Variants in LNPEP observed in about 807,000 individuals in gnomAD.
LNPEP encodes leucyl-cystinyl aminopeptidase.
Under a neutral mutation model 120.6 loss-of-function variants are expected in LNPEP, and 64 were observed. The observed-to-expected ratio is 0.53, with a 90% CI of 0.43 to 0.65. The LOEUF (loss-of-function observed/expected upper bound fraction) is 0.65. LNPEP is among the 30% of genes least tolerant of loss of function. The pLI is 0.00. For missense variants in LNPEP, 1,057 were observed against 1,200.0 expected, an observed-to-expected ratio of 0.88 and a Z score of 1.76; for synonymous variants, 435 against 425.4, an observed-to-expected ratio of 1.02 and a Z score of -0.28.
chr5:96,954,749 C>CACACACACAT (rs1554066390), intron 1 of LNPEP, among the ~76,000 whole-genome samples: 1 of 24,214 alleles, frequency 4.1e-5, no homozygotes, highest in African/African-American at 1.9e-4. Flanking sequence ...TATATATACA[C>CACACACACAT]ATATATATAT....
At chr5:96,965,938 T>C (rs2112587524) in intron 1 of LNPEP, among the ~76,000 whole-genome samples, 1 of 152,276 alleles carries the variant, frequency 6.6e-6, no homozygotes, top group Non-Finnish European at 1.5e-5. Context: ...CTTGATCTTT[T>C]TCACAGCAGG....
Position 96,996,452 on chromosome 5 carries a change from C to T in LNPEP, c.1470C>T (p.Ala490=). 1.9e-6 allele frequency: 3 copies of T among 1,611,358 alleles called. No homozygotes were observed. The highest frequency in any genetic ancestry group is 2.5e-6 in the Non-Finnish European group (3 of 1,178,066). Reference sequence around the variant, plus strand: ...ACCTATGGCTAAATGAAGGTTTTGCCACTTTCATGGAGTATTTCTCTTTGG... The same window carrying T: ...ACCTATGGCTAAATGAAGGTTTTGCTACTTTCATGGAGTATTTCTCTTTGG... ...WNDLWLNEGF[A]TFMEYFSLEK... Residue 490 remains alanine (A), a synonymous_variant, in exon 7 of 18, where the codon GCC becomes GCT. Coordinates refer to ENST00000231368, the MANE Select transcript of LNPEP (RefSeq NM_005575.3).
chr5:96,979,272 C>G lies in LNPEP; in HGVS notation c.154C>G (p.Arg52Gly). The G allele has an allele frequency of 2.5e-6, 4 of 1,613,798 alleles. No individual in the cohort carries two copies. In the East Asian group the frequency reaches 8.9e-5, roughly 36 times the overall value. ...DEVEYEPRGS[R>G]LLVRGLGEHE... ...GGTGGAATATGAGCCCCGGGGTTCCCGACTGCTGGTGCGGGGTCTTGGTGA... is the reference window on the plus strand; with the variant it reads ...GGTGGAATATGAGCCCCGGGGTTCCGGACTGCTGGTGCGGGGTCTTGGTGA... Residue 52 changes from arginine to glycine, a missense_variant, in exon 2 of 18, where the codon CGA becomes GGA. Coordinates refer to ENST00000231368, the MANE Select transcript of LNPEP (RefSeq NM_005575.3).
chr5:97,017,424 C>T (rs2112662085), intron 13 of LNPEP, among the ~76,000 whole-genome samples: 1 of 151,820 alleles, frequency 6.6e-6, no homozygotes, highest in South Asian at 2.1e-4. Flanking sequence ...CTCCATCTTG[C>T]TTTTTTTTAC....
At chr5:96,978,317 A>G (rs1183129900) in intron 1 of LNPEP, among the ~76,000 whole-genome samples, 4 of 152,172 alleles carry the variant, frequency 2.6e-5, no homozygotes, top group Non-Finnish European at 5.9e-5. Flanking sequence ...ACTGAGATCC[A>G]CTAACACTCA....
intron 13 of LNPEP, among the ~76,000 whole-genome samples, chr5:97,016,827 C>A (rs1451458421): frequency 6.6e-6 from 1 of 152,078 alleles, no homozygotes; most frequent in Non-Finnish European, 1.5e-5. Flanking sequence ...CTCTTTAGGG[C>A]AAACTGGGAA....
chr5:96,989,383 T>A (rs572583879), intron 4 of LNPEP, among the ~76,000 whole-genome samples: 46 of 27,770 alleles, frequency 1.7e-3, no homozygotes, highest in East Asian at 3.4e-3. Context: ...TATTATATAT[T>A]ATATACAATA....
At chr5:96,940,169 T>C (rs1440425397) in intron 1 of LNPEP, among the ~76,000 whole-genome samples, 1 of 152,172 alleles carries the variant, frequency 6.6e-6, no homozygotes, top group Non-Finnish European at 1.5e-5. Flanking sequence ...AAACTAGTGG[T>C]AGAAAAGTTC....
intron 1 of LNPEP, among the ~76,000 whole-genome samples, chr5:96,955,499 C>A (rs1294794238): frequency 1.3e-5 from 2 of 152,134 alleles, no homozygotes; most frequent in Non-Finnish European, 2.9e-5. Flanking sequence ...CCTGTAGTCC[C>A]AGCTACTTGG....
chr5:96,945,751 G>T (rs561133112), intron 1 of LNPEP, among the ~76,000 whole-genome samples: 1 of 152,174 alleles, frequency 6.6e-6, no homozygotes, highest in African/African-American at 2.4e-5. Context: ...TGTTTACTTT[G>T]GAATGCCCTT....
rs1791030898 is a variant in LNPEP, at chr5:97,015,023, C to G, written c.2304C>G (p.Ala768=). The change falls in exon 13 of 18, where the codon GCC becomes GCG. Residue 768 remains alanine (A), a synonymous_variant. Transcript: ENST00000231368. ...ACCATACTGCACCCATCACCGAAGC[C>G]CTGTTTCAGACAGACCTCATCTATA... ...NENHTAPITE[A]LFQTDLIYNL... is the part of the protein sequence containing the mutation. The G allele has an allele frequency of 6.2e-7, 1 of 1,604,074 alleles. No homozygotes were observed. Among genetic ancestry groups the G allele is most frequent in the Admixed American group, 1.7e-5 (1 of 58,850 alleles).
chr5:97,011,342 C>A (rs1263332359), intron 11 of LNPEP: 2 of 225,272 alleles, frequency 8.9e-6, no homozygotes, highest in African/African-American at 4.7e-5. Context: ...AAGTGATACT[C>A]CTACCTCAGC....
intron 1 of LNPEP, among the ~76,000 whole-genome samples, chr5:96,956,239 C>G (rs1346229864): frequency 1.3e-5 from 2 of 152,198 alleles, no homozygotes; most frequent in African/African-American, 4.8e-5. Flanking sequence ...TCTAATAGTT[C>G]TCTCTATATA....
chr5:96,949,941 T>C (rs901641691), intron 1 of LNPEP, among the ~76,000 whole-genome samples: 1 of 152,188 alleles, frequency 6.6e-6, no homozygotes, highest in Non-Finnish European at 1.5e-5. Flanking sequence ...CCTCCTTTCC[T>C]TTTCCATCCT....
At chr5:96,978,712 C>T (rs1353943748) in intron 1 of LNPEP, among the ~76,000 whole-genome samples, 1 of 152,116 alleles carries the variant, frequency 6.6e-6, no homozygotes, top group African/African-American at 2.4e-5. Flanking sequence ...GAAGGGGAAC[C>T]GTGGACTGTA....
At position 96,993,061 on chromosome 5, in the gene LNPEP, C is replaced by T; in HGVS notation, c.1178C>T (p.Ala393Val). 3.8e-6 allele frequency: 6 copies of T among 1,596,090 alleles called. No individual in the cohort carries two copies. The highest frequency in any genetic ancestry group is 4.3e-6 in the Non-Finnish European group (5 of 1,166,584). ...GAAAAGATTGGTCAAGTTCATTATG[C>T]CTTGGAAACAACTGTGAAGCTTCTT... ...VPEKIGQVHY[A>V]LETTVKLLEF... The change falls in exon 5 of 18, where the codon GCC becomes GTC. Residue 393 changes from alanine to valine, a missense_variant. Coordinates refer to ENST00000231368, the MANE Select transcript of LNPEP (RefSeq NM_005575.3).
chr5:97,012,377 T>A (rs1790953822), intron 11 of LNPEP, among the ~76,000 whole-genome samples: 1 of 152,190 alleles, frequency 6.6e-6, no homozygotes, highest in Non-Finnish European at 1.5e-5. Flanking sequence ...CAATTAAAAA[T>A]TTTTTTAAGT....
intron 11 of LNPEP, chr5:97,010,153 G>T: frequency 2.3e-6 from 1 of 427,384 alleles, no homozygotes; most frequent in Non-Finnish European, 3.1e-6. Flanking sequence ...TACATATTGA[G>T]GAATTATATT....
chr5:96,994,011 C>A, intron 6 of LNPEP, 40 bp downstream of exon 6: 2 of 1,568,980 alleles, frequency 1.3e-6, no homozygotes, highest in South Asian at 1.1e-5. Flanking sequence ...CACCTGTGGT[C>A]TACTTCATGT....
Sources: gnomAD v4.1 joint callset for allele counts (sites outside exome capture counted in the v4.1 genomes callset) on GRCh38, gnomAD v4.1.1 for gene constraint, MANE v1.5 for transcripts, NCBI Gene and HGNC (gene_info 2026-07-23, HGNC 2026-07-21) for gene names.